Variants in ROBO2 observed in about 807,000 individuals in gnomAD.
ROBO2 encodes roundabout guidance receptor 2.
Under a neutral mutation model 160.8 loss-of-function variants are expected in ROBO2, and 53 were observed. That is an observed-to-expected ratio of 0.33 (90% CI 0.26 to 0.41). The LOEUF (loss-of-function observed/expected upper bound fraction) is 0.41. ROBO2 is among the 10% of genes least tolerant of loss of function. The pLI is 1.00. For missense variants in ROBO2, 1,577 were observed against 1,722.4 expected, an observed-to-expected ratio of 0.92 and a Z score of 1.49; for synonymous variants, 664 against 611.7, an observed-to-expected ratio of 1.09 and a Z score of -1.26.
chr3:76,125,583 T>C (rs1180581860), intron 2 of ROBO2, among the ~76,000 whole-genome samples: 1 of 152,088 alleles, frequency 6.6e-6, no homozygotes, highest in Non-Finnish European at 1.5e-5. Flanking sequence ...GGATTTGCAT[T>C]TCTCTGATAA....
At chr3:77,387,881 T>G (rs1358191767) in intron 2 of ROBO2, among the ~76,000 whole-genome samples, 1 of 152,120 alleles carries the variant, frequency 6.6e-6, no homozygotes, top group East Asian at 1.9e-4. Flanking sequence ...CATTCTTCAT[T>G]CACCTCCATC....
chr3:77,164,172 T>C (rs189345071), intron 2 of ROBO2, among the ~76,000 whole-genome samples: 50 of 152,336 alleles, frequency 3.3e-4, no homozygotes, highest in African/African-American at 1.1e-3. Flanking sequence ...GTATTGTTTC[T>C]TGTAGCTGGG....
At chr3:77,266,443 A>G (rs1374368736) in intron 2 of ROBO2, among the ~76,000 whole-genome samples, 2 of 152,098 alleles carry the variant, frequency 1.3e-5, no homozygotes, top group Non-Finnish European at 2.9e-5. Flanking sequence ...CACAACAGAA[A>G]GACCTGCTGC....
chr3:77,382,967 A>G (rs1484092819), intron 2 of ROBO2, among the ~76,000 whole-genome samples: 2 of 152,194 alleles, frequency 1.3e-5, no homozygotes, highest in East Asian at 3.8e-4. Context: ...TTAATGACAG[A>G]GAACTTAAAA....
At chr3:76,096,947 TC>T (rs1347584862) in intron 2 of ROBO2, among the ~76,000 whole-genome samples, 1 of 152,182 alleles carries the variant, frequency 6.6e-6, no homozygotes, top group Non-Finnish European at 1.5e-5. Context: ...GACAAAACTC[TC>T]TGTCTTTGCT....
At chr3:77,224,602 G>T (rs1265562381) in intron 2 of ROBO2, among the ~76,000 whole-genome samples, 2 of 151,784 alleles carry the variant, frequency 1.3e-5, no homozygotes, top group Non-Finnish European at 1.5e-5. Context: ...TAATCCTAGG[G>T]TTTATCTTAA....
intron 4 of ROBO2, among the ~76,000 whole-genome samples, chr3:77,489,836 A>G (rs763785138): frequency 3.3e-5 from 5 of 152,176 alleles, no homozygotes; most frequent in Non-Finnish European, 5.9e-5. Context: ...TTTTCAATGT[A>G]TAAGTTTGCT....
chr3:77,593,504 A>G (rs1488202844), intron 17 of ROBO2, among the ~76,000 whole-genome samples: 1 of 152,194 alleles, frequency 6.6e-6, no homozygotes, highest in African/African-American at 2.4e-5. Context: ...AGGTTATGTC[A>G]GGATTGTTTT....
At chr3:76,487,000 C>T (rs147940823) in intron 2 of ROBO2, among the ~76,000 whole-genome samples, 15 of 152,208 alleles carry the variant, frequency 9.9e-5, no homozygotes, top group African/African-American at 2.9e-4. Flanking sequence ...GACAGGGTCT[C>T]GCTTTGTCCC....
intron 2 of ROBO2, among the ~76,000 whole-genome samples, chr3:76,688,961 C>A (rs907030184): frequency 6.6e-6 from 1 of 151,966 alleles, no homozygotes; most frequent in Non-Finnish European, 1.5e-5. Context: ...AATAATGAAT[C>A]ATTGCTTACC....
At chr3:76,152,500 T>C (rs1406458857) in intron 2 of ROBO2, among the ~76,000 whole-genome samples, 2 of 152,168 alleles carry the variant, frequency 1.3e-5, no homozygotes, top group Admixed American at 6.6e-5. Context: ...ATTTAATATA[T>C]GTATTTTTTT....
chr3:77,101,464 T>C (rs2071918619), intron 2 of ROBO2, among the ~76,000 whole-genome samples: 1 of 152,176 alleles, frequency 6.6e-6, no homozygotes, highest in Non-Finnish European at 1.5e-5. Flanking sequence ...TATCTCAAGT[T>C]TCATTAAAGA....
chr3:75,938,862 T>C (rs62269821), intron 2 of ROBO2, among the ~76,000 whole-genome samples: 1 of 152,182 alleles, frequency 6.6e-6, no homozygotes, highest in Non-Finnish European at 1.5e-5. Context: ...ATTCAGAATT[T>C]ATATTAGCAT....
chr3:77,213,186 G>GCTGTGAATCCATCTGGTTCTGGACTTT (rs2151116913), intron 2 of ROBO2, among the ~76,000 whole-genome samples: 1 of 152,220 alleles, frequency 6.6e-6, no homozygotes, highest in African/African-American at 2.4e-5. Context: ...GTAGAATTTG[G>GCTGTGAATCCATCTGGTTCTGGACTTT]CTGTGAATCC....
At chr3:77,112,215 AAAG>A (rs1163659784) in intron 2 of ROBO2, among the ~76,000 whole-genome samples, 3 of 135,118 alleles carry the variant, frequency 2.2e-5, no homozygotes, top group Non-Finnish European at 3.3e-5. Flanking sequence ...AAAAAAAAAA[AAAG>A]GAGAAAGATC....
At chr3:76,805,537 A>G (rs1021171992) in intron 2 of ROBO2, among the ~76,000 whole-genome samples, 1 of 152,000 alleles carries the variant, frequency 6.6e-6, no homozygotes, top group Non-Finnish European at 1.5e-5. Context: ...AGAAATATAT[A>G]TATTTCAACA....
intron 1 of ROBO2, among the ~76,000 whole-genome samples, chr3:77,093,312 G>C (rs2070578198): frequency 6.6e-6 from 1 of 152,088 alleles, no homozygotes. Context: ...TGTTGAGGTT[G>C]AGCTGTTTCA....
intron 2 of ROBO2, among the ~76,000 whole-genome samples, chr3:77,372,084 G>T (rs546391221): frequency 5.3e-5 from 8 of 151,950 alleles, no homozygotes; most frequent in African/African-American, 1.4e-4. Flanking sequence ...TAAAGCTAAA[G>T]AAAGAATTTA....
intron 2 of ROBO2, among the ~76,000 whole-genome samples, chr3:76,715,566 G>A (rs7613882): frequency 0.014 from 2,127 of 152,262 alleles, 40 homozygotes; most frequent in African/African-American, 0.041. Context: ...TTGGTCCATG[G>A]TCTGTAATGT....
Sources: gnomAD v4.1 joint callset for allele counts (sites outside exome capture counted in the v4.1 genomes callset) on GRCh38, gnomAD v4.1.1 for gene constraint, MANE v1.5 for transcripts, NCBI Gene and HGNC (gene_info 2026-07-23, HGNC 2026-07-21) for gene names.